LRRTM4: variants seen among roughly 807,000 people sequenced by gnomAD.
LRRTM4 encodes leucine-rich repeat transmembrane neuronal protein 4.
LRRTM4 carries 25 observed loss-of-function variants against 47.6 expected under a neutral mutation model. The ratio of observed to expected loss-of-function variants is 0.53; its 90% CI spans 0.38 to 0.73. LRRTM4 has a LOEUF of 0.73. Among genes scored for constraint, LRRTM4 ranks in the 30% least tolerant of loss-of-function variants. LRRTM4 has a pLI of 0.00. For synonymous variants in LRRTM4, 311 were observed against 269.5 expected (o/e 1.15, Z -1.51); for missense variants, 638 against 713.4 (o/e 0.89, Z 1.20).
At chr2:77,521,219 C>A (rs975228329) in intron 2 of LRRTM4, among the ~76,000 whole-genome samples, 2 of 151,984 alleles carry the variant, frequency 1.3e-5, no homozygotes, top group Non-Finnish European at 2.9e-5. Flanking sequence ...TGTTCAGGAT[C>A]CAGCTTCAAA....
chr2:76,938,638 A>G (rs1321595999), intron 3 of LRRTM4, among the ~76,000 whole-genome samples: 5 of 152,162 alleles, frequency 3.3e-5, no homozygotes, highest in Non-Finnish European at 7.4e-5. Flanking sequence ...CATTTTTAGC[A>G]AATCATTTGA....
intron 3 of LRRTM4, among the ~76,000 whole-genome samples, chr2:76,999,858 C>T (rs938659427): frequency 1.3e-5 from 2 of 152,088 alleles, no homozygotes; most frequent in African/African-American, 4.8e-5. Flanking sequence ...TATAAAACTG[C>T]TTCAACACAC....
At chr2:77,181,493 T>C (rs1673345828) in intron 3 of LRRTM4, among the ~76,000 whole-genome samples, 1 of 152,102 alleles carries the variant, frequency 6.6e-6, no homozygotes, top group African/African-American at 2.4e-5. Flanking sequence ...ACTGGTACCC[T>C]TAGGAAATAA....
chr2:76,868,173 G>A (rs529252319), intron 3 of LRRTM4, among the ~76,000 whole-genome samples: 1 of 152,238 alleles, frequency 6.6e-6, no homozygotes, highest in East Asian at 1.9e-4. Context: ...ACTGAACTTT[G>A]TCAGACCATA....
At chr2:77,069,201 C>T (rs554112872) in intron 3 of LRRTM4, among the ~76,000 whole-genome samples, 1 of 152,012 alleles carries the variant, frequency 6.6e-6, no homozygotes, top group Non-Finnish European at 1.5e-5. Context: ...ATTTCTCTAG[C>T]GCCACTGGGT....
chr2:77,469,347 C>T (rs1016645502), intron 3 of LRRTM4, among the ~76,000 whole-genome samples: 2 of 152,082 alleles, frequency 1.3e-5, no homozygotes, highest in Admixed American at 1.3e-4. Flanking sequence ...AACAGAAGCC[C>T]ATTTGATGGA....
intron 3 of LRRTM4, among the ~76,000 whole-genome samples, chr2:77,104,879 G>T (rs571828766): frequency 5.3e-5 from 8 of 152,018 alleles, no homozygotes; most frequent in African/African-American, 9.7e-5. Flanking sequence ...GTCATGTATG[G>T]AAGAAACCCA....
chr2:76,782,089 A>C (rs1674425809), intron 3 of LRRTM4, among the ~76,000 whole-genome samples: 2 of 152,160 alleles, frequency 1.3e-5, no homozygotes, highest in Admixed American at 1.3e-4. Context: ...CTCAAATTAT[A>C]TTAGAGTCCA....
At chr2:76,996,021 T>C (rs1165233673) in intron 3 of LRRTM4, among the ~76,000 whole-genome samples, 1 of 138,496 alleles carries the variant, frequency 7.2e-6, no homozygotes, top group African/African-American at 2.8e-5. Flanking sequence ...TGAATCTACC[T>C]AAAATACTCA....
intron 3 of LRRTM4, among the ~76,000 whole-genome samples, chr2:77,363,680 T>C (rs1334112901): frequency 2.6e-5 from 4 of 152,180 alleles, no homozygotes; most frequent in African/African-American, 7.2e-5. Flanking sequence ...CGCTTCAAAA[T>C]GCTTTCTCAT....
intron 3 of LRRTM4, among the ~76,000 whole-genome samples, chr2:77,489,620 T>G (rs1395270250): frequency 6.6e-6 from 1 of 152,206 alleles, no homozygotes; most frequent in Non-Finnish European, 1.5e-5. Flanking sequence ...TAGTCAGCCT[T>G]GGAACACGCT....
chr2:77,283,129 C>G (rs1156648787), intron 3 of LRRTM4, among the ~76,000 whole-genome samples: 1 of 151,870 alleles, frequency 6.6e-6, no homozygotes, highest in African/African-American at 2.4e-5. Context: ...CACAAATTAA[C>G]AAGCAAAACT....
intron 3 of LRRTM4, among the ~76,000 whole-genome samples, chr2:77,268,044 T>G (rs185182564): frequency 6.6e-6 from 1 of 152,134 alleles, no homozygotes. Context: ...TTTATACTTA[T>G]GCTCTTTCAG....
chr2:76,766,865 C>A (rs996547155), intron 3 of LRRTM4, among the ~76,000 whole-genome samples: 2 of 151,988 alleles, frequency 1.3e-5, no homozygotes, highest in African/African-American at 4.8e-5. Context: ...ACCCTGTTAC[C>A]CCCAAGGAAA....
intron 3 of LRRTM4, among the ~76,000 whole-genome samples, chr2:77,251,160 CAT>C (rs1226322401): frequency 4.1e-4 from 15 of 36,472 alleles, no homozygotes; most frequent in South Asian, 1.4e-3. Flanking sequence ...TGTATATATA[CAT>C]ATATATGTGT....
At chr2:77,503,599 T>C (rs188198446) in intron 3 of LRRTM4, among the ~76,000 whole-genome samples, 27 of 151,514 alleles carry the variant, frequency 1.8e-4, no homozygotes, top group Admixed American at 6.6e-4. Flanking sequence ...GTGTATTCTG[T>C]GTGTGTAAAT....
chr2:77,054,756 T>C (rs1056003727), intron 3 of LRRTM4, among the ~76,000 whole-genome samples: 4 of 152,208 alleles, frequency 2.6e-5, no homozygotes, highest in African/African-American at 7.2e-5. Context: ...TGACCTCTGT[T>C]TTTAAAAGTA....
chr2:76,771,008 C>G (rs1000687425), intron 3 of LRRTM4, among the ~76,000 whole-genome samples: 3 of 152,174 alleles, frequency 2.0e-5, no homozygotes, highest in Non-Finnish European at 4.4e-5. Flanking sequence ...GATTATTTGA[C>G]TGTCAAATGC....
intron 3 of LRRTM4, among the ~76,000 whole-genome samples, chr2:77,447,140 A>C (rs13031335): frequency 0.64 from 96,757 of 151,572 alleles, 31,544 homozygotes; most frequent in South Asian, 0.75. Context: ...TTATGGGAGA[A>C]GCTTCACATC....
Sources: allele counts gnomAD v4.1 joint callset (sites outside exome capture counted in the v4.1 genomes callset), GRCh38; gene constraint gnomAD v4.1.1; transcripts MANE v1.5; gene names NCBI Gene and HGNC (gene_info 2026-07-23, HGNC 2026-07-21).